Variants in SUPT3H observed in about 807,000 individuals in gnomAD.
SUPT3H encodes SPT3 homolog, SAGA and STAGA complex component.
A neutral mutation model predicts 44.3 loss-of-function variants in SUPT3H; 44 were observed. That is an observed-to-expected ratio of 0.99 (90% confidence interval 0.78 to 1.28). The LOEUF is 1.28. SUPT3H is among the 50% of genes most tolerant of loss of function. The pLI is 0.00. For synonymous variants in SUPT3H, 124 were observed against 125.6 expected, an observed-to-expected ratio of 0.99 and a Z score of 0.09; for missense variants, 380 against 387.1, an observed-to-expected ratio of 0.98 and a Z score of 0.15.
chr6:45,122,738 T>C (rs1801853577), intron 2 of SUPT3H, among the ~76,000 whole-genome samples: 1 of 152,170 alleles, frequency 6.6e-6, no homozygotes. Context: ...TTAGAAGATA[T>C]ATCAAATTAA....
chr6:45,127,785 G>A (rs1464665944), intron 2 of SUPT3H, among the ~76,000 whole-genome samples: 1 of 151,998 alleles, frequency 6.6e-6, no homozygotes, highest in Non-Finnish European at 1.5e-5. Context: ...TCTTAAGGTA[G>A]AGGAAATACT....
intron 2 of SUPT3H, among the ~76,000 whole-genome samples, chr6:45,266,795 T>A (rs1179493774): frequency 1.3e-5 from 2 of 152,058 alleles, no homozygotes; most frequent in African/African-American, 2.4e-5. Flanking sequence ...AAGGAACATC[T>A]TCTTTACAAA....
At chr6:44,859,059 T>C (rs1342346923) in intron 10 of SUPT3H, among the ~76,000 whole-genome samples, 1 of 152,210 alleles carries the variant, frequency 6.6e-6, no homozygotes, top group Non-Finnish European at 1.5e-5. Flanking sequence ...TTTGCATTAC[T>C]TTAACTTGAT....
intron 9 of SUPT3H, among the ~76,000 whole-genome samples, chr6:44,949,751 T>C (rs1773984942): frequency 6.6e-6 from 1 of 152,120 alleles, no homozygotes; most frequent in Non-Finnish European, 1.5e-5. Context: ...TCAGAAAATA[T>C]CCACTAGAAT....
chr6:44,869,777 T>C (rs1474760596), intron 10 of SUPT3H, among the ~76,000 whole-genome samples: 2 of 152,256 alleles, frequency 1.3e-5, no homozygotes, highest in Non-Finnish European at 2.9e-5. Context: ...AAGTACCTTC[T>C]GACTGCTAAG....
intron 2 of SUPT3H, among the ~76,000 whole-genome samples, chr6:45,221,724 A>T (rs1389468463): frequency 1.3e-5 from 2 of 152,142 alleles, no homozygotes; most frequent in Admixed American, 6.5e-5. Flanking sequence ...TTGTAGACAT[A>T]GGGAAGCTTA....
At chr6:44,867,255 G>T (rs886810868) in intron 10 of SUPT3H, among the ~76,000 whole-genome samples, 8 of 151,688 alleles carry the variant, frequency 5.3e-5, no homozygotes, top group African/African-American at 1.9e-4. Context: ...GGGCTCAAGT[G>T]ATTCTCCTGT....
intron 9 of SUPT3H, among the ~76,000 whole-genome samples, chr6:44,949,938 T>C (rs1200076388): frequency 6.6e-6 from 1 of 152,220 alleles, no homozygotes. Flanking sequence ...CACTGCCATC[T>C]ACCTAAGAAA....
intron 2 of SUPT3H, among the ~76,000 whole-genome samples, chr6:45,338,206 C>T (rs960816047): frequency 2.0e-5 from 3 of 151,940 alleles, no homozygotes; most frequent in Admixed American, 6.6e-5. Flanking sequence ...CCAAATAATT[C>T]ACAATATTAT....
At position 44,964,079 on chromosome 6, in the gene SUPT3H, C is replaced by T. The variant is rs569329101; in HGVS notation, c.505-2251G>A. ...ACTAACGTTAATTTGTATCTATGTA[C>T]GTATGTTTGTGTATATATATCTGTT... On this transcript the variant is annotated intron_variant, in intron 6 of 10. Transcript: ENST00000371459. Among the ~76,000 whole-genome samples, 9 of 152,010 alleles carry T rather than the reference C, an allele frequency of 5.9e-5. No individual in the cohort carries two copies. In the South Asian group the frequency reaches 8.3e-4, roughly 14 times the overall value.
Position 45,013,428 on chromosome 6 carries a change from G to A in SUPT3H, c.364+1373C>T, listed in dbSNP as rs180733976. ...GCAGAGCTTTCTGCTCCTAAGGTCT[G>A]AGCCGAACATCTGTACCACTGTACT... On this transcript the variant is annotated intron_variant, in intron 5 of 10. Coordinates refer to ENST00000371459, the MANE Select transcript of SUPT3H (RefSeq NM_003599.4). Among the ~76,000 whole-genome samples the A allele has an allele frequency of 1.1e-4, 17 of 152,202 alleles. No homozygotes were observed. In the East Asian group the frequency reaches 3.3e-3, roughly 29 times the overall value.
intron 10 of SUPT3H, among the ~76,000 whole-genome samples, chr6:44,900,886 T>A (rs1442916660): frequency 6.6e-6 from 1 of 152,184 alleles, no homozygotes; most frequent in Non-Finnish European, 1.5e-5. Context: ...TTCTGCAGCC[T>A]CCGCTTTTGA....
At chr6:45,229,426 G>C (rs537112773) in intron 2 of SUPT3H, among the ~76,000 whole-genome samples, 7 of 152,204 alleles carry the variant, frequency 4.6e-5, no homozygotes, top group Admixed American at 4.6e-4. Context: ...ATAGGAGTAT[G>C]AGCCATGTAT....
chr6:44,840,366 T>C (rs2153415772), intron 10 of SUPT3H, among the ~76,000 whole-genome samples: 1 of 152,308 alleles, frequency 6.6e-6, no homozygotes, highest in South Asian at 2.1e-4. Context: ...CTTTCGGGAC[T>C]GCCTGGCCTC....
At chr6:45,053,892 G>A (rs1462651376) in intron 3 of SUPT3H, among the ~76,000 whole-genome samples, 8 of 145,778 alleles carry the variant, frequency 5.5e-5, no homozygotes, top group Non-Finnish European at 1.2e-4. Context: ...TCCAGCCTGG[G>A]CAACAGAGCA....
chr6:44,974,928 T>G (rs1319642481), intron 6 of SUPT3H, among the ~76,000 whole-genome samples: 3 of 152,156 alleles, frequency 2.0e-5, no homozygotes, highest in Non-Finnish European at 4.4e-5. Context: ...ACCAGTTTAT[T>G]GGGAGGCCGA....
At chr6:44,884,802 C>G (rs919695209) in intron 10 of SUPT3H, among the ~76,000 whole-genome samples, 2 of 152,162 alleles carry the variant, frequency 1.3e-5, no homozygotes, top group Non-Finnish European at 2.9e-5. Flanking sequence ...CGAGCCGAAG[C>G]AGGGCGAGGC....
At chr6:44,949,303 T>C (rs1227420062) in intron 9 of SUPT3H, among the ~76,000 whole-genome samples, 1 of 152,138 alleles carries the variant, frequency 6.6e-6, no homozygotes, top group African/African-American at 2.4e-5. Flanking sequence ...GACGAGTTAA[T>C]GGGTGTAGCA....
At chr6:45,059,846 T>C (rs538404010) in intron 3 of SUPT3H, among the ~76,000 whole-genome samples, 11 of 152,064 alleles carry the variant, frequency 7.2e-5, no homozygotes, top group African/African-American at 9.6e-5. Context: ...CCATTCACAA[T>C]TGCCACAAAA....
Sources: allele counts gnomAD v4.1 joint callset (sites outside exome capture counted in the v4.1 genomes callset), GRCh38; gene constraint gnomAD v4.1.1; transcripts MANE v1.5; gene names NCBI Gene and HGNC (gene_info 2026-07-23, HGNC 2026-07-21).